Variants in C12orf42 observed in about 807,000 individuals in gnomAD.
C12orf42 encodes the protein chromosome 12 open reading frame 42.
A neutral mutation model predicts 21.6 loss-of-function variants in C12orf42; 25 were observed. The observed-to-expected ratio is 1.16, with a 90% CI of 0.84 to 1.62. The LOEUF is 1.62. C12orf42 is among the 40% of genes most tolerant of loss of function. The pLI is 0.00. For synonymous variants in C12orf42, 174 were observed against 175.0 expected, an observed-to-expected ratio of 0.99 and a Z score of 0.05; for missense variants, 483 against 459.3, an observed-to-expected ratio of 1.05 and a Z score of -0.47.
chr12:103,287,566 G>A (rs183571163), intron 4 of C12orf42, among the ~76,000 whole-genome samples: 232 of 152,200 alleles, frequency 1.5e-3, no homozygotes, highest in Non-Finnish European at 2.6e-3. Flanking sequence ...GGGGTGGGGA[G>A]AGGGGGAAGG....
chr12:103,271,405 A>G (rs2035466167), intron 5 of C12orf42, among the ~76,000 whole-genome samples: 1 of 152,194 alleles, frequency 6.6e-6, no homozygotes, highest in Non-Finnish European at 1.5e-5. Flanking sequence ...AGCCCTGAAC[A>G]GTGGCTTTCA....
chr12:103,341,877 C>T (rs145583835), intron 4 of C12orf42, among the ~76,000 whole-genome samples: 64 of 152,186 alleles, frequency 4.2e-4, no homozygotes, highest in Middle Eastern at 3.4e-3. Context: ...ACATTAAAGA[C>T]GAAGAAAGTT....
At chr12:103,556,878 A>C in the C12orf42 span, among the ~76,000 whole-genome samples, 1 of 151,834 alleles carries the variant, frequency 6.6e-6, no homozygotes, top group Non-Finnish European at 1.5e-5. Context: ...GAGAAGAGAC[A>C]GAGGGAGAAG....
the C12orf42 span, among the ~76,000 whole-genome samples, chr12:103,087,603 C>T: frequency 3.3e-5 from 5 of 152,326 alleles, no homozygotes; most frequent in East Asian, 7.7e-4. Context: ...TATAATAACA[C>T]TTACTGAGCA....
chr12:103,352,173 C>T (rs761935441), intron 4 of C12orf42, among the ~76,000 whole-genome samples: 5 of 152,128 alleles, frequency 3.3e-5, no homozygotes, highest in Non-Finnish European at 4.4e-5. Context: ...TTCACTTACC[C>T]ATTGCCCTGA....
At chr12:103,234,950 C>T (rs1243905205), downstream of C12orf42, among the ~76,000 whole-genome samples, 3 of 151,868 alleles carry the variant, frequency 2.0e-5, no homozygotes, top group East Asian at 1.9e-4. Context: ...CCAACATTAC[C>T]GAGGAAGAAT....
rs1235173113 is a variant in C12orf42 at position 103,378,778 on chromosome 12, C to CTTCA, written c.148-9784_148-9781dup. The CTTCA allele has an allele frequency of 2.0e-5, 3 of 152,192 alleles. No individual in the cohort carries two copies. In the East Asian group the frequency reaches 5.8e-4, roughly 29 times the overall value. The allele number at this position is 152,192 out of a possible 1,614,324, so 9.4% of individuals were successfully genotyped here. ...AGGAAAATTACTTCACCTCCCTAAG[C>CTTCA]TTCAATAGCTTGATCTGGAAAATGA... On this transcript the variant is annotated intron_variant, in intron 3 of 5. Coordinates refer to ENST00000548883, the MANE Select transcript of C12orf42 (RefSeq NM_198521.5).
the C12orf42 span, among the ~76,000 whole-genome samples, chr12:103,544,759 T>A: frequency 1.3e-5 from 2 of 152,252 alleles, no homozygotes; most frequent in African/African-American, 4.8e-5. Context: ...ATTGATTCTC[T>A]TTTCACTATG....
intron 4 of C12orf42, among the ~76,000 whole-genome samples, chr12:103,317,245 C>T (rs1167001031): frequency 6.6e-6 from 1 of 152,188 alleles, no homozygotes; most frequent in Non-Finnish European, 1.5e-5. Flanking sequence ...GTGCCTTTTC[C>T]TTCTTCTGAG....
At chr12:103,474,034 C>G (rs1032033895) in intron 2 of C12orf42, among the ~76,000 whole-genome samples, 1 of 152,040 alleles carries the variant, frequency 6.6e-6, no homozygotes, top group African/African-American at 2.4e-5. Flanking sequence ...GGTTTTGGTT[C>G]ATTGTTTAGA....
the C12orf42 span, among the ~76,000 whole-genome samples, chr12:103,091,100 G>A: frequency 6.6e-6 from 1 of 152,166 alleles, no homozygotes; most frequent in African/African-American, 2.4e-5. Flanking sequence ...TGAATCTATA[G>A]CCAGTAATTA....
At chr12:103,524,310 C>T in the C12orf42 span, among the ~76,000 whole-genome samples, 4 of 152,164 alleles carry the variant, frequency 2.6e-5, no homozygotes, top group African/African-American at 9.7e-5. Flanking sequence ...GAGCTTGGTC[C>T]TATAAGGAGG....
chr12:103,199,658 TAATA>T, the C12orf42 span, among the ~76,000 whole-genome samples: 1 of 151,998 alleles, frequency 6.6e-6, no homozygotes, highest in Non-Finnish European at 1.5e-5. Flanking sequence ...AAGAAACCAT[TAATA>T]AACAAACATT....
In C12orf42 at chr12:103,310,254, A is replaced by ACT. The variant is rs142832022; in HGVS notation, c.260-3911_260-3910dup. Among the ~76,000 whole-genome samples, 498 of 136,042 alleles carry ACT rather than the reference A, an allele frequency of 3.7e-3. 1 individual carries two copies. The highest frequency in any genetic ancestry group is 8.0e-3 in the South Asian group (33 of 4,140). 89.2% of individuals were successfully genotyped at this position (136,042 alleles called of 152,430 possible). On this transcript the variant is annotated intron_variant, in intron 4 of 5. Coordinates refer to ENST00000548883, the MANE Select transcript of C12orf42 (RefSeq NM_198521.5). ...GTGGCACCTCCTCCCCTTCTCCCCT[A>ACT]CTCTCTCTCTCTCTCTCTCTGTGTC...
the C12orf42 span, among the ~76,000 whole-genome samples, chr12:103,538,167 A>C: frequency 6.6e-6 from 1 of 150,984 alleles, no homozygotes; most frequent in African/African-American, 2.4e-5. Context: ...TTGAAGAAAA[A>C]TTGGGAGGTG....
At chr12:103,485,243 T>G (rs1954755364) in intron 1 of C12orf42, among the ~76,000 whole-genome samples, 1 of 152,176 alleles carries the variant, frequency 6.6e-6, no homozygotes, top group African/African-American at 2.4e-5. Flanking sequence ...TTTCCCCATT[T>G]CTTGTTTGTG....
At chr12:103,449,398 T>C (rs531739767) in intron 2 of C12orf42, among the ~76,000 whole-genome samples, 9 of 137,568 alleles carry the variant, frequency 6.5e-5, no homozygotes, top group African/African-American at 2.3e-4. Context: ...TGTATACCAC[T>C]TGTGTGATGG....
chr12:103,438,832 C>T (rs967330682), intron 2 of C12orf42, among the ~76,000 whole-genome samples: 26 of 150,976 alleles, frequency 1.7e-4, no homozygotes, highest in Middle Eastern at 6.9e-3. Flanking sequence ...GCCATACCAC[C>T]CAAGGTAATT....
chr12:103,546,692 G>T, the C12orf42 span, among the ~76,000 whole-genome samples: 1 of 152,190 alleles, frequency 6.6e-6, no homozygotes, highest in Non-Finnish European at 1.5e-5. Context: ...TTTTCCAACT[G>T]AATGACAGGG....
Sources: gnomAD v4.1 joint callset for allele counts (sites outside exome capture counted in the v4.1 genomes callset) on GRCh38, gnomAD v4.1.1 for gene constraint, MANE v1.5 for transcripts, NCBI Gene and HGNC (gene_info 2026-07-23, HGNC 2026-07-21) for gene names.